Variants in BCL2L1 observed in about 807,000 individuals in gnomAD.
BCL2L1 encodes BCL2 like 1.
BCL2L1 carries 1 observed loss-of-function variant against 18.7 expected under a neutral mutation model. That is an observed-to-expected ratio of 0.05 (90% confidence interval 0.02 to 0.25). The LOEUF (loss-of-function observed/expected upper bound fraction) is 0.25. Among genes scored for constraint, BCL2L1 ranks in the 10% least tolerant of loss-of-function variants. The pLI is 1.00. For missense variants in BCL2L1, 207 were observed against 304.9 expected (o/e 0.68, Z 2.39); for synonymous variants, 103 against 122.7 (o/e 0.84, Z 1.06).
intron 2 of BCL2L1, 61 bp downstream of exon 2, chr20:31,721,594 C>T (rs6089046): frequency 6.6e-7 from 1 of 1,507,858 alleles, no homozygotes; most frequent in East Asian, 2.3e-5. Flanking sequence ...AGAAGAAGGG[C>T]TGTTGGGGAT....
At chr20:31,711,330 C>T (rs1385946858) in intron 2 of BCL2L1, among the ~76,000 whole-genome samples, 1 of 152,178 alleles carries the variant, frequency 6.6e-6, no homozygotes, top group African/African-American at 2.4e-5. Flanking sequence ...GTCAAGCTGT[C>T]TCAAATGTGA....
At chr20:31,713,170 G>A (rs761744427) in intron 2 of BCL2L1, 101 of 790,458 alleles carry the variant, frequency 1.3e-4, no homozygotes, top group Non-Finnish European at 1.5e-4. Context: ...CTGCTAATGC[G>A]TGATGGAGCC....
chr20:31,699,090 G>T (rs886716335), intron 2 of BCL2L1, among the ~76,000 whole-genome samples: 1 of 152,182 alleles, frequency 6.6e-6, no homozygotes, highest in Non-Finnish European at 1.5e-5. Context: ...AGAGGGAGTC[G>T]GGGAGGGCCT....
chr20:31,710,905 C>T (rs961010921), intron 2 of BCL2L1, among the ~76,000 whole-genome samples: 4 of 152,178 alleles, frequency 2.6e-5, no homozygotes, highest in Admixed American at 6.5e-5. Context: ...CACCCAACCG[C>T]GGGCCCTGAG....
chr20:31,713,098 A>T (rs1397383448), intron 2 of BCL2L1, among the ~76,000 whole-genome samples: 1 of 152,024 alleles, frequency 6.6e-6, no homozygotes, highest in Non-Finnish European at 1.5e-5. Context: ...GGGTTAATGG[A>T]TGACACAGGG....
intron 2 of BCL2L1, among the ~76,000 whole-genome samples, chr20:31,669,393 G>A (rs1212894107): frequency 6.6e-6 from 1 of 150,472 alleles, no homozygotes; most frequent in African/African-American, 2.4e-5. Context: ...CCATTAAGCT[G>A]TACTTCTCAT....
chr20:31,683,533 A>T (rs1186524444), intron 2 of BCL2L1, among the ~76,000 whole-genome samples: 2 of 152,150 alleles, frequency 1.3e-5, no homozygotes, highest in Admixed American at 1.3e-4. Context: ...CTCTGGGAGA[A>T]CGAGGCAGGT....
chr20:31,710,972 T>C (rs1316716472), intron 2 of BCL2L1, among the ~76,000 whole-genome samples: 8 of 152,340 alleles, frequency 5.3e-5, no homozygotes, highest in Non-Finnish European at 1.5e-5. Flanking sequence ...ATGACGCTTA[T>C]AGGCTTTTGC....
upstream of BCL2L1, chr20:31,723,829 C>T (rs1051262536): frequency 5.3e-5 from 52 of 985,160 alleles, no homozygotes; most frequent in African/African-American, 3.5e-5. Context: ...TTCCGCGCCG[C>T]GGACCCGGGC....
chr20:31,697,480 C>T (rs1209174530), intron 2 of BCL2L1, among the ~76,000 whole-genome samples: 1 of 152,014 alleles, frequency 6.6e-6, no homozygotes, highest in Non-Finnish European at 1.5e-5. Flanking sequence ...CTCTGTCACC[C>T]AGGCTGGAGT....
chr20:31,717,577 TG>T (rs2061557048), intron 2 of BCL2L1, among the ~76,000 whole-genome samples: 1 of 152,232 alleles, frequency 6.6e-6, no homozygotes, highest in South Asian at 2.1e-4. Flanking sequence ...TACTTAATTT[TG>T]GGACCCGAAT....
chr20:31,688,003 C>T (rs940007749), intron 2 of BCL2L1, among the ~76,000 whole-genome samples: 4 of 152,180 alleles, frequency 2.6e-5, no homozygotes, highest in African/African-American at 9.7e-5. Context: ...TTCTGAGCTT[C>T]ACTTATCTCA....
intron 2 of BCL2L1, among the ~76,000 whole-genome samples, chr20:31,686,671 C>T (rs557289961): frequency 1.3e-4 from 20 of 152,272 alleles, no homozygotes; most frequent in African/African-American, 4.6e-4. Context: ...CTCCAGGCCA[C>T]CCAGCATGAT....
intron 2 of BCL2L1, 45 bp downstream of exon 2, chr20:31,721,610 A>G: frequency 6.5e-7 from 1 of 1,537,170 alleles, no homozygotes. Flanking sequence ...GGGATCTCTG[A>G]CCAGAGGCCA....
At chr20:31,721,054 A>C (rs1600324123) in intron 2 of BCL2L1, 1 of 847,930 alleles carries the variant, frequency 1.2e-6, no homozygotes, top group South Asian at 5.4e-5. Context: ...CAATCTGCAC[A>C]GCCTACACTG....
chr20:31,682,131 G>C (rs1009755943), intron 2 of BCL2L1, among the ~76,000 whole-genome samples: 3 of 152,238 alleles, frequency 2.0e-5, no homozygotes, highest in African/African-American at 7.2e-5. Context: ...CTCAGTGACT[G>C]ACTGACTGAC....
intron 2 of BCL2L1, among the ~76,000 whole-genome samples, chr20:31,668,793 G>A (rs1171094895): frequency 2.0e-5 from 3 of 149,866 alleles, no homozygotes; most frequent in East Asian, 2.0e-4. Flanking sequence ...TAGTAGAGAC[G>A]GGGTTTCTCC....
intron 2 of BCL2L1, among the ~76,000 whole-genome samples, chr20:31,673,125 G>A (rs965121917): frequency 6.8e-6 from 1 of 146,592 alleles, no homozygotes; most frequent in Non-Finnish European, 1.5e-5. Context: ...AGGCTGGAGT[G>A]CAGTGGCATG....
At chr20:31,691,351 T>C (rs972343602) in intron 2 of BCL2L1, among the ~76,000 whole-genome samples, 2 of 150,274 alleles carry the variant, frequency 1.3e-5, no homozygotes, top group African/African-American at 4.9e-5. Flanking sequence ...CCGTCTCTAC[T>C]AAAAATACAA....
Sources: gnomAD v4.1 joint callset for allele counts (sites outside exome capture counted in the v4.1 genomes callset) on GRCh38, gnomAD v4.1.1 for gene constraint, MANE v1.5 for transcripts, NCBI Gene and HGNC (gene_info 2026-07-23, HGNC 2026-07-21) for gene names.